ADGRB2: variants seen among roughly 807,000 people sequenced by gnomAD.
The protein encoded by ADGRB2 is brain-specific angiogenesis inhibitor 2.
A neutral mutation model predicts 178.7 loss-of-function variants in ADGRB2; 47 were observed. The ratio of observed to expected loss-of-function variants is 0.26; its 90% CI spans 0.21 to 0.34. ADGRB2 has a LOEUF of 0.34. ADGRB2 is among the 10% of genes least tolerant of loss of function. The pLI, the probability that ADGRB2 is intolerant of heterozygous loss-of-function variation, is 1.00. For missense variants in ADGRB2, 1,584 were observed against 2,180.8 expected, an observed-to-expected ratio of 0.73 and a Z score of 5.45; for synonymous variants, 870 against 912.4, an observed-to-expected ratio of 0.95 and a Z score of 0.84.
In ADGRB2 at chr1:31,750,878, C is replaced by T. The variant is rs530223010; in HGVS notation, c.838+5121G>A. Among the ~76,000 whole-genome samples the T allele has an allele frequency of 1.8e-4, 27 of 151,956 alleles. 1 individual carries two copies. The South Asian group carries it at 2.9e-3, about 16-fold the overall frequency. ...CATGTACCTAGCCAGAATGCCAGAC[C>T]GCCCCCCCCAATAATTCTTCCTCCC... On this transcript the variant is annotated intron_variant, in intron 4 of 32. Transcript: ENST00000373658.
rs773229379 is a variant in ADGRB2, at chr1:31,733,017, C to T, written c.3579G>A (p.Ala1193=). The part of the protein sequence containing the change: ...FQALFAVFNS[A]QGFVITAVHC... Reference sequence around the variant, plus strand: ...GCACAGCAGTGATGACAAAGCCCTGCGCGGAGTTGAAGACAGCAAAGAGGG... The same window carrying T: ...GCACAGCAGTGATGACAAAGCCCTGTGCGGAGTTGAAGACAGCAAAGAGGG... The change falls in exon 26 of 33, where the codon GCG becomes GCA. Residue 1193 remains alanine, a synonymous_variant. Transcript: ENST00000373658. The surrounding 1 kb of genome is among the most constrained non-coding windows in gnomAD (Gnocchi z 4.3). 14 of 1,569,122 alleles carry T rather than the reference C, an allele frequency of 8.9e-6. No homozygotes were observed. Among genetic ancestry groups the T allele is most frequent in the Admixed American group, 5.6e-5 (3 of 53,194 alleles).
rs1270128373 is a variant in ADGRB2 at position 31,740,511 on chromosome 1, T to G, written c.1825A>C (p.Met609Leu). ...LREHLAKGQRMLAGEGMSQVV... is the reference protein window; with the variant it reads ...LREHLAKGQRLLAGEGMSQVV... The stretch of plus-strand genomic sequence containing the variant: ...TGCGACATGCCCTCGCCTGCCAGCA[T>G]GCGCTGCCCCTTGGCCAGGTGCTCC... The change falls in exon 12 of 33, where the codon ATG becomes CTG. Residue 609 changes from methionine to leucine, a missense_variant. Met to Leu is a conservative substitution (Grantham distance 15). Around this residue, in one of 3 missense-constraint regions of ADGRB2, gnomAD observed 657 missense variants for 847.6 expected, o/e 0.78. Transcript: ENST00000373658. This position sits in a 1 kb window ranked among gnomAD's most constrained non-coding sequence, Gnocchi z 5.9. 4 of 1,611,378 alleles carry G rather than the reference T, an allele frequency of 2.5e-6. No individual in the cohort carries two copies. The South Asian group carries it at 4.4e-5, about 18-fold the overall frequency.
At chr1:31,738,151 G>A in intron 18 of ADGRB2, 49 bp downstream of exon 18, 1 of 1,598,232 alleles carries the variant, frequency 6.3e-7, no homozygotes, top group South Asian at 1.1e-5. Context: ...GCTGCTGGAA[G>A]CCCAGGGCCT....
In ADGRB2 at chr1:31,731,333, T is replaced by G. The variant is rs760214157; in HGVS notation, c.3847A>C (p.Lys1283Gln). The G allele has an allele frequency of 1.2e-6, 2 of 1,612,924 alleles. No homozygotes were observed. Among genetic ancestry groups the G allele is most frequent in the Non-Finnish European group, 1.7e-6 (2 of 1,179,942 alleles). The change falls in exon 29 of 33, where the codon AAG becomes CAG. Residue 1283 changes from lysine (K) to glutamine (Q), a missense_variant. Lys to Gln is a moderately conservative substitution (Grantham distance 53). This residue lies in a region of ADGRB2 where 865 missense variants were observed against 1,192.8 expected (regional missense o/e 0.73). Coordinates refer to ENST00000373658, the MANE Select transcript of ADGRB2 (RefSeq NM_001364857.2). The stretch of plus-strand genomic sequence containing the variant: ...CCCTCAGGGCCCACGAGGCAGGACT[T>G]GGGCTCCTCATCCTCATCCAGGGAC... Reference protein sequence around the residue: ...RLSLDEDEEPKSCLVGPEGSL... With the variant: ...RLSLDEDEEPQSCLVGPEGSL...
chr1:31,728,520 C>A lies in ADGRB2; in HGVS notation c.4416+78G>T. On this transcript the variant is annotated intron_variant, in intron 30 of 32. Transcript: ENST00000373658. The surrounding 1 kb of genome is among the most constrained non-coding windows in gnomAD (Gnocchi z 6.7). Reference sequence around the variant, plus strand: ...GTCAGGCTCTGCAACAGAGCTTGGACTACTTTTAGGAGTGAGCCCTCCAGG... The same window carrying A: ...GTCAGGCTCTGCAACAGAGCTTGGAATACTTTTAGGAGTGAGCCCTCCAGG... The A allele has an allele frequency of 6.3e-7, 1 of 1,597,694 alleles. No homozygotes were observed. The highest frequency in any genetic ancestry group is 1.3e-5 in the African/African-American group (1 of 74,618).
At chr1:31,737,137 C>T (rs1308429353) in intron 20 of ADGRB2, among the ~76,000 whole-genome samples, 1 of 152,164 alleles carries the variant, frequency 6.6e-6, no homozygotes, top group Non-Finnish European at 1.5e-5. Flanking sequence ...CTCAGGCTTC[C>T]ACACGCTCAC....
chr1:31,736,494 C>T, intron 21 of ADGRB2, 79 bp downstream of exon 21: 2 of 1,598,088 alleles, frequency 1.3e-6, no homozygotes, highest in Non-Finnish European at 1.7e-6. Context: ...GAGAGCTGGG[C>T]CAGGGCCAAA....
rs1407503531 is a variant in ADGRB2, at chr1:31,740,337, T to A, written c.1989+10A>T. The A allele has an allele frequency of 1.2e-6, 2 of 1,609,846 alleles. No homozygotes were observed. The highest frequency in any genetic ancestry group is 1.7e-6 in the Non-Finnish European group (2 of 1,177,272). On this transcript the variant is annotated intron_variant, in intron 12 of 32. Coordinates refer to ENST00000373658, the MANE Select transcript of ADGRB2 (RefSeq NM_001364857.2). This position sits in a 1 kb window ranked among gnomAD's most constrained non-coding sequence, Gnocchi z 5.9. ...CTCCACCCTCCGCCCTCCTTCCTCCTAGGCAGTACCTGCACATCATCAGCC... is the reference window on the plus strand; with the variant it reads ...CTCCACCCTCCGCCCTCCTTCCTCCAAGGCAGTACCTGCACATCATCAGCC...
In ADGRB2 at chr1:31,758,359, TTGC is replaced by T. The variant is rs1355071830; in HGVS notation, c.-190-851_-190-849del. On this transcript the variant is annotated intron_variant, in intron 1 of 32. Coordinates refer to ENST00000373658, the MANE Select transcript of ADGRB2 (RefSeq NM_001364857.2). This position sits in a 1 kb window ranked among gnomAD's most constrained non-coding sequence, Gnocchi z 4.2. ...AGTAGCCTCTGCTCCTTCCCTAGGC[TTGC>T]TGCTCAGGCTTCAGGCCAGATGGAC... Among the ~76,000 whole-genome samples, 1 of 152,212 alleles carries T rather than the reference TTGC, an allele frequency of 6.6e-6. No individual in the cohort carries two copies. Among genetic ancestry groups the T allele is most frequent in the African/African-American group, 2.4e-5 (1 of 41,454 alleles).
At chr1:31,742,336 C>G (rs1646021606) in intron 7 of ADGRB2, 119 bp from the exon 8 acceptor site, 1 of 1,378,562 alleles carries the variant, frequency 7.3e-7, no homozygotes, top group Non-Finnish European at 9.8e-7. Context: ...CCAGGCCAGA[C>G]CCACTGGAGT....
chr1:31,730,868 G>C lies in ADGRB2; in HGVS notation c.4312C>G (p.Pro1438Ala). Reference protein sequence around the residue: ...PTPSARQVPEPGERSRTMPRT... With the variant: ...PTPSARQVPEAGERSRTMPRT... ...GGCATGGTCCGGCTGCGCTCCCCTG[G>C]CTCGGGCACTTGGCGGGCGCTGGGT... Residue 1438 changes from proline to alanine, a missense_variant, in exon 29 of 33, where the codon CCA becomes GCA. By Grantham distance (27) the Pro-to-Ala change is conservative (BLOSUM62 -1). Around this residue, in one of 3 missense-constraint regions of ADGRB2, gnomAD observed 865 missense variants for 1,192.8 expected, o/e 0.73. Transcript: ENST00000373658. The C allele has an allele frequency of 6.4e-7, 1 of 1,559,734 alleles. No individual in the cohort carries two copies. The highest frequency in any genetic ancestry group is 1.9e-5 in the Admixed American group (1 of 51,688).
rs1293006723 is a variant in ADGRB2, at chr1:31,735,919, C to T, written c.3201-26G>A. ...CTGGGGTGGGGGAGAAGAAGGGTGT[C>T]AGACACCCAGCAGCCTCCCTCCCCA... is the stretch of plus-strand genomic sequence containing the variant. On this transcript the variant is annotated intron_variant, in intron 22 of 32. Coordinates refer to ENST00000373658, the MANE Select transcript of ADGRB2 (RefSeq NM_001364857.2). This position sits in a 1 kb window ranked among gnomAD's most constrained non-coding sequence, Gnocchi z 6.0. The T allele has an allele frequency of 6.4e-7, 1 of 1,560,656 alleles. No individual in the cohort carries two copies. Among genetic ancestry groups the T allele is most frequent in the Non-Finnish European group, 8.7e-7 (1 of 1,152,112 alleles).
In ADGRB2 at chr1:31,758,878, G is replaced by C. The variant is rs1272935231; in HGVS notation, c.-190-1367C>G. On this transcript the variant is annotated intron_variant, in intron 1 of 32. Transcript: ENST00000373658. The surrounding 1 kb of genome is among the most constrained non-coding windows in gnomAD (Gnocchi z 4.2). ...ATGCCTGTCCCACACTGCTCAGCTC[G>C]CCCCACCTGCTGCGGCACTAGCCAA... 9.3e-6 allele frequency: 2 copies of C among 214,752 alleles called. No individual in the cohort carries two copies. Among genetic ancestry groups the C allele is most frequent in the Non-Finnish European group, 1.9e-5 (2 of 104,550 alleles). The allele number at this position is 214,752 out of a possible 1,614,324, so 13.3% of individuals were successfully genotyped here.
At chr1:31,748,709 G>A (rs952005912) in intron 4 of ADGRB2, among the ~76,000 whole-genome samples, 2 of 152,254 alleles carry the variant, frequency 1.3e-5, no homozygotes, top group Non-Finnish European at 2.9e-5. Context: ...CAGCTTTCCC[G>A]TCGGGCTGCC....
chr1:31,754,353 C>T lies in ADGRB2; in HGVS notation c.838+1646G>A, dbSNP rs546534423. On this transcript the variant is annotated intron_variant, in intron 4 of 32. Coordinates refer to ENST00000373658, the MANE Select transcript of ADGRB2 (RefSeq NM_001364857.2). This position sits in a 1 kb window ranked among gnomAD's most constrained non-coding sequence, Gnocchi z 5.7. ...ACTGCAGATCACTGGACCGATGGAC[C>T]GCAGGGAAAGCCAGACAAAAGAACC... Among the ~76,000 whole-genome samples, 83 of 152,332 alleles carry T rather than the reference C, an allele frequency of 5.4e-4. 1 individual carries two copies. The highest frequency in any genetic ancestry group is 1.9e-3 in the African/African-American group (80 of 41,584).
chr1:31,748,900 CTAA>C (rs539315423), intron 4 of ADGRB2, among the ~76,000 whole-genome samples: 216 of 152,354 alleles, frequency 1.4e-3, no homozygotes, highest in African/African-American at 5.0e-3. Flanking sequence ...CCCCATTTTA[CTAA>C]TGAGAAAGGA....
Position 31,732,551 on chromosome 1 carries a change from G to A in ADGRB2, c.3686C>T (p.Pro1229Leu). The A allele has an allele frequency of 4.3e-6, 7 of 1,614,184 alleles. No homozygotes were observed. The highest frequency in any genetic ancestry group is 5.1e-6 in the Non-Finnish European group (6 of 1,180,038). ...VCRADESEDS[P>L]DSCKNGQLQI... ...CAGCTGCCCGTTCTTACACGAGTCA[G>A]GGGAGTCTTCGCTCTCATCAGCCCG... The change falls in exon 27 of 33, where the codon CCT becomes CTT. Residue 1229 changes from proline to leucine, a missense_variant. This residue lies in a region of ADGRB2 where 865 missense variants were observed against 1,192.8 expected (regional missense o/e 0.73). Coordinates refer to ENST00000373658, the MANE Select transcript of ADGRB2 (RefSeq NM_001364857.2).
rs3766826 is a variant in ADGRB2 at position 31,753,877 on chromosome 1, C to A, written c.838+2122G>T. On this transcript the variant is annotated intron_variant, in intron 4 of 32. Transcript: ENST00000373658. The surrounding 1 kb of genome is among the most constrained non-coding windows in gnomAD (Gnocchi z 4.1). ...AAGGGAGGGGAAGGGGCTGTGCCAG[C>A]CCAGCTCTGGGCACCAGTGTGCCAT... 1.6e-4 allele frequency among the ~76,000 whole-genome samples: 24 copies of A among 152,330 alleles called. No homozygotes were observed. The East Asian group carries it at 4.6e-3, about 29-fold the overall frequency.
chr1:31,751,528 CA>C (rs1557782014), intron 4 of ADGRB2, among the ~76,000 whole-genome samples: 1 of 152,208 alleles, frequency 6.6e-6, no homozygotes, highest in African/African-American at 2.4e-5. Flanking sequence ...AACACATCCC[CA>C]ATGTGTGCTA....
Sources: allele counts gnomAD v4.1 joint callset (sites outside exome capture counted in the v4.1 genomes callset), GRCh38; gene constraint gnomAD v4.1.1; regional missense constraint gnomAD v4.1.1; non-coding constraint Gnocchi (gnomAD v3.1); transcripts MANE v1.5; gene names NCBI Gene and HGNC (gene_info 2026-07-23, HGNC 2026-07-21).